Variants in SLC16A3 observed in about 807,000 individuals in gnomAD.
The protein encoded by SLC16A3 is solute carrier family 16 member 3.
Under a neutral mutation model 25.0 loss-of-function variants are expected in SLC16A3, and 22 were observed. The ratio of observed to expected loss-of-function variants is 0.88; its 90% CI spans 0.63 to 1.26. The LOEUF is 1.26. SLC16A3 is among the 50% of genes most tolerant of loss of function. The pLI, the probability that SLC16A3 is intolerant of heterozygous loss-of-function variation, is 0.00. For synonymous variants in SLC16A3, 390 were observed against 309.2 expected, an observed-to-expected ratio of 1.26 and a Z score of -2.74; for missense variants, 731 against 666.6, an observed-to-expected ratio of 1.10 and a Z score of -1.06.
rs1020499587 is a variant in SLC16A3 at position 82,238,797 on chromosome 17, T to A, written c.1219T>A (p.Phe407Ile). The change falls in exon 5 of 5, where the codon TTC becomes ATC. Residue 407 changes from phenylalanine to isoleucine, a missense_variant. Transcript: ENST00000582743. ...CTCCCTGATTTTGCTGCTGGGCAAC[T>A]TCTTCTGCATTAGGAAGAAGCCCAA... Reference protein sequence around the residue: ...TSSLILLLGNFFCIRKKPKEP... With the variant: ...TSSLILLLGNIFCIRKKPKEP... The A allele has an allele frequency of 1.3e-5, 21 of 1,612,578 alleles. No homozygotes were observed. The highest frequency in any genetic ancestry group is 2.2e-5 in the South Asian group (2 of 91,032).
At chr17:82,232,867 C>T (rs2050520382) in intron 1 of SLC16A3, among the ~76,000 whole-genome samples, 1 of 133,276 alleles carries the variant, frequency 7.5e-6, no homozygotes, top group Non-Finnish European at 1.5e-5. Context: ...GCTTTCTCAT[C>T]CCAGAGGCCA....
chr17:82,225,848 T>A (rs1003972753), upstream of SLC16A3, among the ~76,000 whole-genome samples: 1 of 151,962 alleles, frequency 6.6e-6, no homozygotes, highest in Non-Finnish European at 1.5e-5. Context: ...CCCTGATAGG[T>A]CCGGGGGCCT....
upstream of SLC16A3, among the ~76,000 whole-genome samples, chr17:82,227,618 G>A (rs1599550486): frequency 3.8e-5 from 1 of 26,244 alleles, no homozygotes; most frequent in South Asian, 2.7e-3. Flanking sequence ...CTGGGCGGGA[G>A]CACCACCTGC....
chr17:82,222,367 C>G (rs1399485470), intron 1 of SLC16A3, among the ~76,000 whole-genome samples: 1 of 152,260 alleles, frequency 6.6e-6, no homozygotes, highest in Non-Finnish European at 1.5e-5. Flanking sequence ...GACATCTGTT[C>G]ACACAAATAC....
intron 4 of SLC16A3, 39 bp downstream of exon 4, chr17:82,237,932 C>T (rs771750210): frequency 1.1e-5 from 18 of 1,581,082 alleles, no homozygotes; most frequent in African/African-American, 2.7e-5. Context: ...CACACCTGCC[C>T]TTCCCGTCAG....
chr17:82,237,733 C>T lies in SLC16A3; in HGVS notation c.963C>T (p.Leu321=), dbSNP rs201714265. ...CTACGGCGGGCGACTACGGCGGCCT[C>T]GTGGTCTTCTGCATCTTCTTTGGCA... The part of the protein sequence containing the change: ...AGSTAGDYGG[L]VVFCIFFGIS... Residue 321 remains leucine, a synonymous_variant, in exon 4 of 5, where the codon CTC becomes CTT. Transcript: ENST00000582743. 1.1e-5 allele frequency: 17 copies of T among 1,611,966 alleles called. No homozygotes were observed. Among genetic ancestry groups the T allele is most frequent in the Admixed American group, 3.3e-5 (2 of 60,002 alleles).
At chr17:82,231,890 C>A in intron 1 of SLC16A3, 1 of 152,352 alleles carries the variant, frequency 6.6e-6, no homozygotes, top group Non-Finnish European at 1.5e-5. Context: ...GCGCAGGGCC[C>A]AGGCCTGGGG....
At position 82,238,717 on chromosome 17, in the gene SLC16A3, C is replaced by G. The variant is rs759112557; in HGVS notation, c.1139C>G (p.Ala380Gly). The G allele has an allele frequency of 1.1e-5, 18 of 1,609,864 alleles. No homozygotes were observed. In the Admixed American group the frequency reaches 2.8e-4, roughly 25 times the overall value. ...CTTCCCGCAGGCAAACTCCTGGATG[C>G]GACCCACGTCTACATGTACGTGTTC... ...GPPSGGKLLD[A>G]THVYMYVFIL... is the part of the protein sequence containing the mutation. The change falls in exon 5 of 5, where the codon GCG becomes GGG. Residue 380 changes from alanine to glycine, a missense_variant. Physicochemically the swap from Ala to Gly is moderately conservative, Grantham distance 60. Coordinates refer to ENST00000582743, the MANE Select transcript of SLC16A3 (RefSeq NM_004207.4).
At chr17:82,229,887 G>C (rs1311871796) in intron 1 of SLC16A3, 1 of 152,594 alleles carries the variant, frequency 6.6e-6, no homozygotes. Context: ...GGGCCTCCAG[G>C]GGTGGCTGGA....
chr17:82,237,675 T>C lies in SLC16A3; in HGVS notation c.905T>C (p.Met302Thr), dbSNP rs1178615959. Residue 302 changes from methionine to threonine, a missense_variant, in exon 4 of 5, where the codon ATG (methionine) becomes ACG (threonine). Physicochemically the swap from Met to Thr is moderately conservative, Grantham distance 81. Coordinates refer to ENST00000582743, the MANE Select transcript of SLC16A3 (RefSeq NM_004207.4). Reference sequence around the variant, plus strand: ...TCCGTCTACCTCTTCAGCTTCTCCATGTTCTTCAACGGCCTCGCGGACCTG... The same window carrying C: ...TCCGTCTACCTCTTCAGCTTCTCCACGTTCTTCAACGGCCTCGCGGACCTG... ...PYSVYLFSFS[M>T]FFNGLADLAG... is the part of the protein sequence containing the mutation. The C allele has an allele frequency of 1.2e-6, 2 of 1,612,804 alleles. No individual in the cohort carries two copies. The highest frequency in any genetic ancestry group is 1.1e-5 in the South Asian group (1 of 91,070).
Position 82,239,913 on chromosome 17 carries a change from C to A in SLC16A3, c.*937C>A. On this transcript the variant is annotated 3_prime_UTR_variant, in exon 5 of 5. Transcript: ENST00000582743. ...GCTTGTCCTGGACACCTAACACCCA[C>A]CTGCCCTCGTGGCCAGCAGTGGCCT... The A allele has an allele frequency of 2.0e-6, 2 of 1,022,234 alleles. No individual in the cohort carries two copies. The highest frequency in any genetic ancestry group is 1.3e-6 in the Non-Finnish European group (1 of 795,224). 63.3% of individuals were successfully genotyped at this position (1,022,234 alleles called of 1,614,324 possible).
chr17:82,236,102 A>G lies in SLC16A3; in HGVS notation c.94A>G (p.Thr32Ala). The change falls in exon 2 of 5, where the codon ACT becomes GCT. Residue 32 changes from threonine to alanine, a missense_variant. By Grantham distance (58) the Thr-to-Ala change is moderately conservative. Coordinates refer to ENST00000582743, the MANE Select transcript of SLC16A3 (RefSeq NM_004207.4). ...WAVLFGCFVI[T>A]GFSYAFPKAV... Reference sequence around the variant, plus strand: ...CGTGCTCTTCGGCTGTTTCGTCATCACTGGCTTCTCCTACGCCTTCCCCAA... The same window carrying G: ...CGTGCTCTTCGGCTGTTTCGTCATCGCTGGCTTCTCCTACGCCTTCCCCAA... 5 of 1,613,096 alleles carry G rather than the reference A, an allele frequency of 3.1e-6. No individual in the cohort carries two copies. Among genetic ancestry groups the G allele is most frequent in the African/African-American group, 1.3e-5 (1 of 75,060 alleles).
At position 82,240,070 on chromosome 17, in the gene SLC16A3, G is replaced by A; in HGVS notation, c.*1094G>A. ...TGCCATGTCCCTGCTCCTCTGCAAT[G>A]AAAAGCAAGCGAAAAGTGCACATCT... is the stretch of plus-strand genomic sequence containing the variant. On this transcript the variant is annotated 3_prime_UTR_variant, in exon 5 of 5. Transcript: ENST00000582743. 6.5e-6 allele frequency: 8 copies of A among 1,233,764 alleles called. No homozygotes were observed. The highest frequency in any genetic ancestry group is 8.1e-6 in the Non-Finnish European group (8 of 987,856). The allele number at this position is 1,233,764 out of a possible 1,614,324, so 76.4% of individuals were successfully genotyped here.
chr17:82,219,989 T>C (rs1267744896), intron 1 of SLC16A3, among the ~76,000 whole-genome samples: 1 of 152,004 alleles, frequency 6.6e-6, no homozygotes, highest in African/African-American at 2.4e-5. Flanking sequence ...CACTCCAGGA[T>C]GCTGGACGCT....
At chr17:82,220,609 TA>T (rs945737652) in intron 1 of SLC16A3, among the ~76,000 whole-genome samples, 3 of 151,910 alleles carry the variant, frequency 2.0e-5, no homozygotes, top group South Asian at 2.1e-4. Context: ...TGTCTCTATC[TA>T]AAAAAAATTT....
At chr17:82,235,871 G>C (rs2050587515) in intron 1 of SLC16A3, 112 bp from the exon 2 acceptor site, 2 of 685,396 alleles carry the variant, frequency 2.9e-6, no homozygotes, top group African/African-American at 3.6e-5. Flanking sequence ...TGGGTGCCGG[G>C]CAGCTGCCCC....
chr17:82,224,735 G>C (rs2050411271), upstream of SLC16A3, among the ~76,000 whole-genome samples: 1 of 150,852 alleles, frequency 6.6e-6, no homozygotes, highest in African/African-American at 2.5e-5. Context: ...CACCCGTGCA[G>C]ACACATCCCA....
intron 4 of SLC16A3, among the ~76,000 whole-genome samples, chr17:82,238,458 G>A (rs1001573802): frequency 6.6e-6 from 1 of 152,170 alleles, no homozygotes; most frequent in Non-Finnish European, 1.5e-5. Context: ...GCCACCAACC[G>A]AAACCCAAAC....
At chr17:82,233,061 G>T (rs999898094) in intron 1 of SLC16A3, among the ~76,000 whole-genome samples, 2 of 152,204 alleles carry the variant, frequency 1.3e-5, no homozygotes, top group African/African-American at 2.4e-5. Context: ...CTGTACCTTG[G>T]CCCATCACGG....
Sources: gnomAD v4.1 joint callset for allele counts (sites outside exome capture counted in the v4.1 genomes callset) on GRCh38, gnomAD v4.1.1 for gene constraint, MANE v1.5 for transcripts, NCBI Gene and HGNC (gene_info 2026-07-23, HGNC 2026-07-21) for gene names.